Variants in SEMA3F observed in about 807,000 individuals in gnomAD.
SEMA3F encodes the protein semaphorin 3F, also known as semaphorin-3F.
In SEMA3F, 30 loss-of-function variants were observed where a neutral mutation model predicts 98.5. The ratio of observed to expected loss-of-function variants is 0.30; its 90% CI spans 0.23 to 0.41. The LOEUF is 0.41. Among genes scored for constraint, SEMA3F ranks in the 10% least tolerant of loss-of-function variants. SEMA3F has a pLI of 1.00. For missense variants in SEMA3F, 866 were observed against 1,119.3 expected, an observed-to-expected ratio of 0.77 and a Z score of 3.23; for synonymous variants, 380 against 444.8, an observed-to-expected ratio of 0.85 and a Z score of 1.83.
rs533502637 is a variant in SEMA3F at position 50,156,548 on chromosome 3, T to C, written c.-49+984T>C. On this transcript the variant is annotated intron_variant, in intron 1 of 18. Coordinates refer to ENST00000002829, the MANE Select transcript of SEMA3F (RefSeq NM_004186.5). This position sits in a 1 kb window ranked among gnomAD's most constrained non-coding sequence, Gnocchi z 4.5. ...CACCCAGATAGTCTCCCAGTAGTTATCCTAGTTGCAGAGAAGGGAAAACTG... is the reference window on the plus strand; with the variant it reads ...CACCCAGATAGTCTCCCAGTAGTTACCCTAGTTGCAGAGAAGGGAAAACTG... 6.6e-6 allele frequency among the ~76,000 whole-genome samples: 1 copy of C among 152,292 alleles called. No individual in the cohort carries two copies. The highest frequency in any genetic ancestry group is 2.4e-5 in the African/African-American group (1 of 41,562).
intron 5 of SEMA3F, 69 bp downstream of exon 5, chr3:50,174,419 G>A: frequency 6.5e-7 from 1 of 1,539,204 alleles, no homozygotes; most frequent in Non-Finnish European, 8.8e-7. Context: ...CTGATGGGAG[G>A]AGGGGCTTCA....
Position 50,185,486 on chromosome 3 carries a change from C to T in SEMA3F, c.1500C>T (p.Asp500=), listed in dbSNP as rs868394331. ...VQKVIVLPKD[D]QELEELMLEE... ...AGGTCATTGTGCTGCCCAAGGATGA[C>T]CAGGAGTTGGAGGAGCTCATGCTGG... is the stretch of plus-strand genomic sequence containing the variant. Residue 500 remains aspartate, a synonymous_variant, in exon 14 of 19, where the codon GAC becomes GAT. Coordinates refer to ENST00000002829, the MANE Select transcript of SEMA3F (RefSeq NM_004186.5). 2 of 1,613,896 alleles carry T rather than the reference C, an allele frequency of 1.2e-6. No homozygotes were observed.
intron 7 of SEMA3F, among the ~76,000 whole-genome samples, chr3:50,178,471 A>G (rs1197107160): frequency 1.3e-5 from 2 of 151,948 alleles, no homozygotes; most frequent in African/African-American, 4.8e-5. Context: ...CTGTAATCCT[A>G]GGACTTTGGG....
intron 1 of SEMA3F, chr3:50,159,373 C>G (rs143767753): frequency 2.1e-6 from 1 of 468,382 alleles, no homozygotes; most frequent in Non-Finnish European, 3.7e-6. Context: ...GTTCTGGTGA[C>G]CCCAGGCTGG....
chr3:50,184,302 CAG>C (rs1302350473), intron 12 of SEMA3F: 9 of 470,442 alleles, frequency 1.9e-5, no homozygotes, highest in Admixed American at 3.5e-5. Context: ...AAGGAGATGA[CAG>C]GGGTGGGGAG....
At position 50,159,721 on chromosome 3, in the gene SEMA3F, G is replaced by T; in HGVS notation, c.99G>T (p.Arg33=). 1 of 1,609,252 alleles carries T rather than the reference G, an allele frequency of 6.2e-7. No homozygotes were observed. The highest frequency in any genetic ancestry group is 8.5e-7 in the Non-Finnish European group (1 of 1,176,532). ...QDHLPATPRV[R]LSFKELKATG... ...ACCTCCCGGCCACGCCCCGGGTCCGGCTCTCATTCAAAGGTAAGAAGCTGT... is the reference window on the plus strand; with the variant it reads ...ACCTCCCGGCCACGCCCCGGGTCCGTCTCTCATTCAAAGGTAAGAAGCTGT... Residue 33 remains arginine, a synonymous_variant, in exon 2 of 19, where the codon CGG becomes CGT. Coordinates refer to ENST00000002829, the MANE Select transcript of SEMA3F (RefSeq NM_004186.5).
intron 7 of SEMA3F, among the ~76,000 whole-genome samples, chr3:50,179,237 C>T (rs896936509): frequency 2.0e-5 from 3 of 151,996 alleles, no homozygotes; most frequent in Non-Finnish European, 2.9e-5. Flanking sequence ...GACTGTCGTT[C>T]GAAGCTTTGA....
At chr3:50,159,237 G>C (rs1698111233) in intron 1 of SEMA3F, 1 of 184,868 alleles carries the variant, frequency 5.4e-6, no homozygotes, top group African/African-American at 2.4e-5. Flanking sequence ...ACAGATGCAG[G>C]GGAGAAAGGA....
chr3:50,175,833 C>T (rs1338534469), intron 6 of SEMA3F, among the ~76,000 whole-genome samples: 4 of 152,220 alleles, frequency 2.6e-5, no homozygotes, highest in South Asian at 2.1e-4. Flanking sequence ...TGTGAGCAGG[C>T]GGTTCCGTGT....
chr3:50,155,089 C>T (rs1697920537), upstream of SEMA3F: 2 of 404,920 alleles, frequency 4.9e-6, no homozygotes, highest in African/African-American at 2.1e-5. The surrounding 1 kb of genome is among the most constrained non-coding windows in gnomAD (Gnocchi z 4.9). Flanking sequence ...GCCGCGAGAC[C>T]AGAGCGAGCG....
chr3:50,188,212 TCTATACACACCCTGCCC>T lies in SEMA3F; in HGVS notation c.*100_*116del. 1 of 419,868 alleles carries T rather than the reference TCTATACACACCCTGCCC, an allele frequency of 2.4e-6. No homozygotes were observed. Among genetic ancestry groups the T allele is most frequent in the Non-Finnish European group, 3.6e-6 (1 of 280,856 alleles). The allele number at this position is 419,868 out of a possible 1,614,324, so 26.0% of individuals were successfully genotyped here. A position where few individuals can be genotyped will look rare whatever the true frequency, so the allele number is the denominator to read the frequency against. ...ATATATATATATAAAATATCTATAT[TCTATACACACCCTGCCC>T]CTGCAAAGACAGTATTTATTGGTGG... On this transcript the variant is annotated 3_prime_UTR_variant, in exon 19 of 19. Transcript: ENST00000002829. This position sits in a 1 kb window ranked among gnomAD's most constrained non-coding sequence, Gnocchi z 4.5.
rs1333114214 is a variant in SEMA3F at position 50,186,747 on chromosome 3, G to T, written c.1947+1G>T. The T allele has an allele frequency of 6.3e-7, 1 of 1,597,750 alleles. No individual in the cohort carries two copies. Among genetic ancestry groups the T allele is most frequent in the Non-Finnish European group, 8.6e-7 (1 of 1,167,494 alleles). On this transcript the variant is annotated splice_donor_variant, in intron 18 of 18. Transcript: ENST00000002829. LOFTEE classifies it high-confidence loss of function. ...AGATCCTGGTGACCGGCGCCGAGAG[G>T]TGAGTTCCTGCGCCCGGTGCTGCAC...
At position 50,164,191 on chromosome 3, in the gene SEMA3F, C is replaced by T. The variant is rs140621166; in HGVS notation, c.112+4457C>T. On this transcript the variant is annotated intron_variant, in intron 2 of 18. Transcript: ENST00000002829. ...ATGGGACCTCCACTGTCTGGGCCTC[C>T]GCAGCACAGGCCTTGTCTCTGGTTC... Among the ~76,000 whole-genome samples the T allele has an allele frequency of 7.2e-5, 11 of 152,326 alleles. No individual in the cohort carries two copies. In the East Asian group the frequency reaches 1.9e-3, roughly 27 times the overall value.
intron 2 of SEMA3F, among the ~76,000 whole-genome samples, chr3:50,161,532 G>C (rs1378140434): frequency 6.6e-6 from 1 of 152,242 alleles, no homozygotes; most frequent in Non-Finnish European, 1.5e-5. Flanking sequence ...TGCCGGTTGT[G>C]GCGGCCTGGG....
At chr3:50,183,117 G>T in intron 10 of SEMA3F, 69 bp from the exon 11 acceptor site, 1 of 1,569,300 alleles carries the variant, frequency 6.4e-7, no homozygotes, top group Admixed American at 1.7e-5. Flanking sequence ...CCTCCCCTGT[G>T]CAGGAGTGGG....
In SEMA3F at chr3:50,155,832, G is replaced by A; in HGVS notation, c.-49+268G>A. The A allele has an allele frequency of 6.0e-6, 1 of 167,080 alleles. No individual in the cohort carries two copies. The allele number at this position is 167,080 out of a possible 1,614,324, so 10.3% of individuals were successfully genotyped here. A position where few individuals can be genotyped will look rare whatever the true frequency, so the allele number is the denominator to read the frequency against. ...CCCATGTGCAAAGCAACTTTTTCCT[G>A]CAAGGTTCTGGGTGGGTGCTCTCAT... is the stretch of plus-strand genomic sequence containing the variant. On this transcript the variant is annotated intron_variant, in intron 1 of 18. Coordinates refer to ENST00000002829, the MANE Select transcript of SEMA3F (RefSeq NM_004186.5). The surrounding 1 kb of genome is among the most constrained non-coding windows in gnomAD (Gnocchi z 4.9).
chr3:50,185,894 A>G lies in SEMA3F; in HGVS notation c.1593A>G (p.Gln531=), dbSNP rs750322056. ...KTMTISSKRQ[Q]LYVASAVGVT... ...GGCCCTACCCTTTGCCCCAGCAACA[A>G]CTCTACGTGGCGTCAGCCGTGGGTG... Residue 531 remains glutamine, a synonymous_variant, in exon 16 of 19, where the codon CAA becomes CAG. Coordinates refer to ENST00000002829, the MANE Select transcript of SEMA3F (RefSeq NM_004186.5). The G allele has an allele frequency of 3.1e-6, 5 of 1,610,994 alleles. No homozygotes were observed. Among genetic ancestry groups the G allele is most frequent in the Non-Finnish European group, 4.2e-6 (5 of 1,177,920 alleles).
At chr3:50,186,440 G>T (rs1575410728) in intron 17 of SEMA3F, 92 bp downstream of exon 17, 1 of 1,448,934 alleles carries the variant, frequency 6.9e-7, no homozygotes, top group Non-Finnish European at 9.6e-7. Flanking sequence ...CACTGTAAGG[G>T]TGCTCTGATG....
chr3:50,179,332 T>C (rs573076771), intron 7 of SEMA3F, among the ~76,000 whole-genome samples: 52 of 151,490 alleles, frequency 3.4e-4, no homozygotes, highest in East Asian at 7.7e-4. Context: ...TTCTTTCTTT[T>C]TTTTTTTTTT....
Sources: allele counts gnomAD v4.1 joint callset (sites outside exome capture counted in the v4.1 genomes callset), GRCh38; gene constraint gnomAD v4.1.1; non-coding constraint Gnocchi (gnomAD v3.1); transcripts MANE v1.5; gene names NCBI Gene and HGNC (gene_info 2026-07-23, HGNC 2026-07-21).